Variants in ATP9B observed in about 807,000 individuals in gnomAD.
The protein encoded by ATP9B is ATPase phospholipid transporting 9B.
A neutral mutation model predicts 146.1 loss-of-function variants in ATP9B; 110 were observed. The observed-to-expected ratio is 0.75, with a 90% CI of 0.65 to 0.88. The LOEUF is 0.88. ATP9B is among the 40% of genes least tolerant of loss of function. The pLI, the probability that ATP9B is intolerant of heterozygous loss-of-function variation, is 0.00. For missense variants in ATP9B, 1,499 were observed against 1,496.4 expected (o/e 1.00, Z -0.03); for synonymous variants, 604 against 569.7 (o/e 1.06, Z -0.86).
intron 25 of ATP9B, among the ~76,000 whole-genome samples, chr18:79,351,816 G>A (rs1042976296): frequency 4.6e-5 from 7 of 151,404 alleles, no homozygotes; most frequent in African/African-American, 1.7e-4. Flanking sequence ...TGGTGATGGG[G>A]AAGCCTAGGG....
intron 4 of ATP9B, chr18:79,117,950 G>T (rs927395631): frequency 6.6e-6 from 1 of 152,014 alleles, no homozygotes; most frequent in Non-Finnish European, 1.5e-5. Flanking sequence ...TTTTATAAAG[G>T]TTATCTTAAT....
intron 1 of ATP9B, among the ~76,000 whole-genome samples, chr18:79,073,601 AG>A (rs2072234323): frequency 1.3e-5 from 2 of 152,138 alleles, no homozygotes; most frequent in African/African-American, 4.8e-5. Context: ...TCGGCAACAG[AG>A]GGAGACCGTG....
intron 5 of ATP9B, among the ~76,000 whole-genome samples, chr18:79,130,253 A>G (rs2094355127): frequency 6.6e-6 from 1 of 152,196 alleles, no homozygotes; most frequent in Admixed American, 6.5e-5. Context: ...ATGTAGAAGC[A>G]AGTAGAGAAT....
intron 29 of ATP9B, 79 bp from the exon 30 acceptor site, chr18:79,377,168 G>T: frequency 6.4e-7 from 1 of 1,551,938 alleles, no homozygotes; most frequent in Non-Finnish European, 8.8e-7. Context: ...TGGTGGCCTG[G>T]CCAGGTCTGT....
chr18:79,264,968 C>G (rs2096187000), intron 12 of ATP9B, among the ~76,000 whole-genome samples: 1 of 152,134 alleles, frequency 6.6e-6, no homozygotes, highest in African/African-American at 2.4e-5. Context: ...TATAGGCAGA[C>G]TTGTGTCATG....
chr18:79,112,872 A>G (rs917745851), intron 3 of ATP9B, among the ~76,000 whole-genome samples: 6 of 152,156 alleles, frequency 3.9e-5, no homozygotes, highest in African/African-American at 1.4e-4. Flanking sequence ...GCTTGCTAAC[A>G]TTGGGAAGGT....
intron 11 of ATP9B, among the ~76,000 whole-genome samples, chr18:79,226,860 C>T (rs921935012): frequency 6.6e-6 from 1 of 152,136 alleles, no homozygotes; most frequent in African/African-American, 2.4e-5. Flanking sequence ...CATTGACTGA[C>T]ACCCGCTGTG....
At chr18:79,307,312 G>T (rs1352719035) in intron 15 of ATP9B, 78 bp downstream of exon 15, 2 of 1,588,882 alleles carry the variant, frequency 1.3e-6, no homozygotes, top group East Asian at 4.5e-5. Flanking sequence ...TTCTTTCTGG[G>T]ATGGGGAATA....
chr18:79,231,452 C>G (rs1442864739), intron 11 of ATP9B, among the ~76,000 whole-genome samples: 2 of 152,182 alleles, frequency 1.3e-5, no homozygotes, highest in African/African-American at 2.4e-5. Flanking sequence ...GCAATACCAT[C>G]TTACTCCTGC....
At chr18:79,277,695 A>G (rs1171380553) in intron 13 of ATP9B, among the ~76,000 whole-genome samples, 1 of 152,122 alleles carries the variant, frequency 6.6e-6, no homozygotes, top group East Asian at 1.9e-4. Flanking sequence ...GTCCTTATTT[A>G]ATTTTCTTCT....
At chr18:79,354,531 T>C (rs2147722840) in intron 25 of ATP9B, 1 of 137,484 alleles carries the variant, frequency 7.3e-6, no homozygotes, top group East Asian at 2.2e-4. Context: ...ATTGCACCAT[T>C]GTACTCCAGC....
intron 2 of ATP9B, among the ~76,000 whole-genome samples, chr18:79,096,895 G>T (rs1023347428): frequency 2.6e-5 from 4 of 152,182 alleles, no homozygotes; most frequent in Non-Finnish European, 5.9e-5. Context: ...GGTGGCTCAT[G>T]CCTGTAATCC....
intron 1 of ATP9B, among the ~76,000 whole-genome samples, chr18:79,072,157 T>G (rs987284621): frequency 8.5e-5 from 13 of 152,142 alleles, no homozygotes; most frequent in Non-Finnish European, 1.6e-4. Flanking sequence ...TTTTTTTAAT[T>G]TTTTTCAGTA....
intron 13 of ATP9B, among the ~76,000 whole-genome samples, chr18:79,292,214 T>A (rs563924155): frequency 1.3e-5 from 2 of 152,322 alleles, no homozygotes; most frequent in African/African-American, 2.4e-5. Context: ...TTCTAGCCAA[T>A]GCAGTTAGGC....
At chr18:79,071,399 C>CTTCCTTTTTTTTTTTTTTT in intron 1 of ATP9B, among the ~76,000 whole-genome samples, 1 of 69,284 alleles carries the variant, frequency 1.4e-5, no homozygotes, top group South Asian at 6.1e-4. Flanking sequence ...ATTGTTCTTC[C>CTTCCTTTTTTTTTTTTTTT]TTTTTTTTTT....
chr18:79,118,510 C>T (rs1178534232), intron 4 of ATP9B, among the ~76,000 whole-genome samples: 2 of 145,474 alleles, frequency 1.4e-5, no homozygotes, highest in Admixed American at 1.4e-4. Flanking sequence ...ATGCCATTCT[C>T]CTGCCTCAGC....
At chr18:79,127,216 A>G (rs1221044706) in intron 5 of ATP9B, among the ~76,000 whole-genome samples, 1 of 152,216 alleles carries the variant, frequency 6.6e-6, no homozygotes, top group Non-Finnish European at 1.5e-5. Flanking sequence ...CATAAAATTT[A>G]TCCATGTAAA....
chr18:79,333,270 C>T (rs1042246461), intron 17 of ATP9B, among the ~76,000 whole-genome samples: 14 of 152,210 alleles, frequency 9.2e-5, no homozygotes, highest in African/African-American at 2.9e-4. Flanking sequence ...GCTGCAACTG[C>T]CATCTCTGGC....
chr18:79,296,446 T>C (rs2096548206), intron 13 of ATP9B, among the ~76,000 whole-genome samples: 1 of 152,376 alleles, frequency 6.6e-6, no homozygotes, highest in Admixed American at 6.5e-5. Context: ...TTGCCAAACC[T>C]GTGGTGAGAA....
Sources: allele counts gnomAD v4.1 joint callset (sites outside exome capture counted in the v4.1 genomes callset), GRCh38; gene constraint gnomAD v4.1.1; transcripts MANE v1.5; gene names NCBI Gene and HGNC (gene_info 2026-07-23, HGNC 2026-07-21).